ADK: variants seen among roughly 807,000 people sequenced by gnomAD.
The protein encoded by ADK is N6,N6-dimethyladenosine kinase.
A neutral mutation model predicts 44.7 loss-of-function variants in ADK; 24 were observed. That is an observed-to-expected ratio of 0.54 (90% CI 0.39 to 0.76). The LOEUF (loss-of-function observed/expected upper bound fraction) is 0.76. Ranked by LOEUF, ADK falls within the 30% of genes least tolerant of loss-of-function variation. ADK has a pLI of 0.00. For missense variants in ADK, 321 were observed against 425.1 expected (o/e 0.76, Z 2.15); for synonymous variants, 128 against 142.6 (o/e 0.90, Z 0.73).
intron 8 of ADK, 55 bp downstream of exon 8, chr10:74,589,372 A>G (rs1851641200): frequency 1.3e-6 from 2 of 1,562,420 alleles, no homozygotes; most frequent in Non-Finnish European, 1.8e-6. Context: ...TTTCTAGCTG[A>G]TAATGAAGTT....
At chr10:74,688,413 A>T (rs749268787) in intron 10 of ADK, among the ~76,000 whole-genome samples, 6 of 152,352 alleles carry the variant, frequency 3.9e-5, no homozygotes, top group Non-Finnish European at 7.3e-5. Context: ...AGTGCCTAGC[A>T]TAGAAGACTC....
At chr10:74,412,797 C>G (rs1844231631) in intron 6 of ADK, among the ~76,000 whole-genome samples, 1 of 152,146 alleles carries the variant, frequency 6.6e-6, no homozygotes, top group Non-Finnish European at 1.5e-5. Context: ...GTGGCTTATG[C>G]CTGTAATCCC....
At chr10:74,453,942 A>G (rs193027373) in intron 6 of ADK, among the ~76,000 whole-genome samples, 8 of 152,320 alleles carry the variant, frequency 5.3e-5, no homozygotes, top group Admixed American at 4.6e-4. Context: ...AACTTTGTGT[A>G]TATGAGACAG....
At chr10:74,693,234 G>A (rs975496891) in intron 10 of ADK, among the ~76,000 whole-genome samples, 4 of 152,166 alleles carry the variant, frequency 2.6e-5, no homozygotes, top group African/African-American at 7.2e-5. Flanking sequence ...AATCATAGGT[G>A]GAACTGGGGA....
intron 3 of ADK, among the ~76,000 whole-genome samples, chr10:74,282,210 G>A (rs965196168): frequency 1.3e-5 from 2 of 152,064 alleles, no homozygotes; most frequent in Non-Finnish European, 2.9e-5. Flanking sequence ...CATGTTTTTT[G>A]TTAAAGTAAT....
intron 3 of ADK, among the ~76,000 whole-genome samples, chr10:74,288,296 A>G (rs893561957): frequency 3.3e-5 from 5 of 152,192 alleles, no homozygotes; most frequent in South Asian, 2.1e-4. Flanking sequence ...GTAGTTGCCT[A>G]TTGGAATCTT....
chr10:74,476,752 T>C (rs964980349), intron 6 of ADK, among the ~76,000 whole-genome samples: 13 of 152,210 alleles, frequency 8.5e-5, no homozygotes, highest in Non-Finnish European at 4.4e-5. Context: ...TTTAAATTAG[T>C]ATTTGCTGAA....
chr10:74,395,536 T>A (rs368912885), intron 5 of ADK, among the ~76,000 whole-genome samples: 121 of 151,444 alleles, frequency 8.0e-4, no homozygotes, highest in African/African-American at 2.3e-3. Flanking sequence ...TCAGGGATTT[T>A]AAAAAAAAAC....
intron 3 of ADK, among the ~76,000 whole-genome samples, chr10:74,231,019 T>C (rs577808118): frequency 6.6e-6 from 1 of 152,268 alleles, no homozygotes; most frequent in East Asian, 1.9e-4. Flanking sequence ...TAATATCCAT[T>C]GCAAGACTTG....
chr10:74,560,015 C>T (rs1365464988), intron 7 of ADK, among the ~76,000 whole-genome samples: 1 of 152,158 alleles, frequency 6.6e-6, no homozygotes. Context: ...TAGCCTCAAC[C>T]TTGCAGCCCT....
intron 9 of ADK, among the ~76,000 whole-genome samples, chr10:74,664,966 T>G (rs1409934498): frequency 2.6e-5 from 4 of 152,364 alleles, no homozygotes; most frequent in Non-Finnish European, 1.5e-5. Context: ...TAAAATGTTG[T>G]TTTCTGTGTT....
At chr10:74,550,479 C>T (rs1326155976) in intron 7 of ADK, among the ~76,000 whole-genome samples, 1 of 152,108 alleles carries the variant, frequency 6.6e-6, no homozygotes, top group Non-Finnish European at 1.5e-5. Flanking sequence ...ATCACTTGCC[C>T]AGATTATTAC....
chr10:74,176,599 C>G, intron 1 of ADK: 1 of 1,381,712 alleles, frequency 7.2e-7, no homozygotes, highest in Non-Finnish European at 9.3e-7. Flanking sequence ...ATCTCGCTAG[C>G]CCGCGCGCCA....
chr10:74,302,090 G>GTTTTTTTT (rs68179517), intron 3 of ADK, among the ~76,000 whole-genome samples: 1 of 17,032 alleles, frequency 5.9e-5, no homozygotes, highest in African/African-American at 2.6e-4. Flanking sequence ...TTTCTTTTCT[G>GTTTTTTTT]TTTTTTTTTT....
intron 4 of ADK, among the ~76,000 whole-genome samples, chr10:74,324,973 A>G (rs565536157): frequency 2.0e-5 from 3 of 152,188 alleles, no homozygotes; most frequent in African/African-American, 7.2e-5. Context: ...TGCTTTTGCT[A>G]TTTGGGATCT....
At chr10:74,225,277 C>T (rs1844492136) in intron 3 of ADK, among the ~76,000 whole-genome samples, 1 of 152,100 alleles carries the variant, frequency 6.6e-6, no homozygotes, top group African/African-American at 2.4e-5. Context: ...GGGGTTTTGC[C>T]ATGTTGGCCA....
chr10:74,327,866 T>C (rs1459695414), intron 4 of ADK, among the ~76,000 whole-genome samples: 3 of 152,220 alleles, frequency 2.0e-5, no homozygotes, highest in African/African-American at 4.8e-5. Flanking sequence ...TTGCTAAAAA[T>C]GTTTAATAAA....
chr10:74,193,824 C>T (rs1027101203), intron 1 of ADK, among the ~76,000 whole-genome samples: 1 of 151,794 alleles, frequency 6.6e-6, no homozygotes, highest in African/African-American at 2.4e-5. Flanking sequence ...ACTGAAAACC[C>T]ATGGAATTAT....
At position 74,605,586 on chromosome 10, in the gene ADK, G is replaced by A. The variant is rs1852292849; in HGVS notation, c.877+5093G>A. Among the ~76,000 whole-genome samples the A allele has an allele frequency of 1.3e-5, 2 of 152,262 alleles. 1 individual carries two copies. The highest frequency in any genetic ancestry group is 3.9e-4 in the East Asian group (2 of 5,178). ...TGTTGAACCAGCCTTGCATCCCAGGGATGAAGCCGACTTGATCATGATAGA... is the reference window on the plus strand; with the variant it reads ...TGTTGAACCAGCCTTGCATCCCAGGAATGAAGCCGACTTGATCATGATAGA... On this transcript the variant is annotated intron_variant, in intron 9 of 10. Coordinates refer to ENST00000539909, the MANE Select transcript of ADK (RefSeq NM_006721.4).
Sources: allele counts gnomAD v4.1 joint callset (sites outside exome capture counted in the v4.1 genomes callset), GRCh38; gene constraint gnomAD v4.1.1; transcripts MANE v1.5; gene names NCBI Gene and HGNC (gene_info 2026-07-23, HGNC 2026-07-21).